Variants in ANKRD28 observed in about 807,000 individuals in gnomAD.
ANKRD28 encodes the protein ankyrin repeat domain 28.
A neutral mutation model predicts 126.5 loss-of-function variants in ANKRD28; 44 were observed. That is an observed-to-expected ratio of 0.35 (90% CI 0.27 to 0.45). The LOEUF (loss-of-function observed/expected upper bound fraction) is 0.45. Ranked by LOEUF, ANKRD28 falls within the 20% of genes least tolerant of loss-of-function variation. ANKRD28 has a pLI of 1.00. For synonymous variants in ANKRD28, 442 were observed against 468.5 expected, an observed-to-expected ratio of 0.94 and a Z score of 0.73; for missense variants, 1,110 against 1,316.6, an observed-to-expected ratio of 0.84 and a Z score of 2.43.
chr3:15,763,489 C>T (rs1007709728), intron 3 of ANKRD28, among the ~76,000 whole-genome samples: 6 of 152,036 alleles, frequency 3.9e-5, no homozygotes, highest in South Asian at 2.1e-4. Flanking sequence ...GGAGATAAAA[C>T]GACAGTAAAC....
chr3:15,771,013 T>C (rs1024809696), intron 2 of ANKRD28, among the ~76,000 whole-genome samples: 3 of 152,156 alleles, frequency 2.0e-5, no homozygotes, highest in South Asian at 4.1e-4. Context: ...AGGATGAACA[T>C]TGTATCAGTC....
intron 16 of ANKRD28, 111 bp downstream of exon 16, chr3:15,695,066 ACCGTCTTTGTG>A (rs1386090794): frequency 1.8e-5 from 15 of 840,954 alleles, no homozygotes; most frequent in Admixed American, 1.6e-4. Flanking sequence ...GATTTCTGTC[ACCGTCTTTGTG>A]CCTAATATGT....
chr3:15,689,981 A>C (rs752717657), intron 18 of ANKRD28, 38 bp downstream of exon 18: 1 of 1,516,140 alleles, frequency 6.6e-7, no homozygotes, highest in South Asian at 1.2e-5. Context: ...AGTATTGGAT[A>C]GAAGTTATAA....
intron 2 of ANKRD28, among the ~76,000 whole-genome samples, chr3:15,794,783 C>G (rs556850450): frequency 2.9e-4 from 44 of 152,124 alleles, no homozygotes; most frequent in Non-Finnish European, 5.6e-4. Flanking sequence ...CAAATCTGAT[C>G]TTATATTTAG....
At chr3:15,771,217 C>T (rs894846669) in intron 2 of ANKRD28, among the ~76,000 whole-genome samples, 7 of 151,940 alleles carry the variant, frequency 4.6e-5, no homozygotes, top group African/African-American at 1.7e-4. Flanking sequence ...GGAGACCAAC[C>T]CGGCCAACAT....
intron 21 of ANKRD28, among the ~76,000 whole-genome samples, chr3:15,683,295 T>C (rs1345669556): frequency 1.3e-5 from 2 of 152,220 alleles, no homozygotes; most frequent in East Asian, 1.9e-4. Context: ...TTTCCCACTA[T>C]ATTAGATATT....
Position 15,853,660 on chromosome 3 carries a change from G to A in ANKRD28, c.27+5717C>T, listed in dbSNP as rs13096631. On this transcript the variant is annotated intron_variant, in intron 1 of 27. Transcript: ENST00000399451. The surrounding 1 kb of genome is among the most constrained non-coding windows in gnomAD (Gnocchi z 4.2). ...AATTTTTTGTATTTTTAGTAGAGATGGGGTTTCACCGTGTTAGCCAGGATG... is the reference window on the plus strand; with the variant it reads ...AATTTTTTGTATTTTTAGTAGAGATAGGGTTTCACCGTGTTAGCCAGGATG... Among the ~76,000 whole-genome samples, 74,561 of 151,674 alleles carry A rather than the reference G, an allele frequency of 0.49. 20,230 individuals carry two copies. Among genetic ancestry groups the A allele is most frequent in the Non-Finnish European group, 0.6 (40,408 of 67,828 alleles).
chr3:15,696,377 CTATAAAA>C, intron 14 of ANKRD28, 132 bp from the exon 15 acceptor site: 1 of 554,862 alleles, frequency 1.8e-6, no homozygotes, highest in African/African-American at 1.9e-5. Flanking sequence ...ATGTATTACA[CTATAAAA>C]ATGTCATTTA....
chr3:15,725,040 C>T (rs1479485693), intron 6 of ANKRD28, among the ~76,000 whole-genome samples: 1 of 151,972 alleles, frequency 6.6e-6, no homozygotes, highest in African/African-American at 2.4e-5. Flanking sequence ...TTGGCAGAGA[C>T]AATTAGTAAT....
chr3:15,840,384 T>C (rs2061403240), intron 1 of ANKRD28, among the ~76,000 whole-genome samples: 1 of 152,118 alleles, frequency 6.6e-6, no homozygotes, highest in African/African-American at 2.4e-5. Context: ...AAAAAATTGA[T>C]GAAGACACAC....
At chr3:15,729,027 G>A (rs2125049763) in intron 6 of ANKRD28, among the ~76,000 whole-genome samples, 1 of 152,236 alleles carries the variant, frequency 6.6e-6, no homozygotes, top group East Asian at 1.9e-4. Context: ...GAATGTGGCT[G>A]GTCACTGTGC....
In ANKRD28 at chr3:15,767,700, T is replaced by TAA. The variant is rs57072807; in HGVS notation, c.202-1390_202-1389dup. The stretch of plus-strand genomic sequence containing the variant: ...TAACACAATGAAACCTAGTCTCTAC[T>TAA]AAAAAAAAAAAAAAAAAAAAAAAAA... On this transcript the variant is annotated intron_variant, in intron 2 of 27. Transcript: ENST00000683139. 1.4e-4 allele frequency among the ~76,000 whole-genome samples: 9 copies of TAA among 64,362 alleles called. 1 individual carries two copies. The highest frequency in any genetic ancestry group is 4.6e-4 in the African/African-American group (5 of 10,906). 42.2% of individuals were successfully genotyped at this position (64,362 alleles called of 152,430 possible).
Position 15,726,762 on chromosome 3 carries a change from T to G in ANKRD28, c.641-2238A>C, listed in dbSNP as rs182356465. Among the ~76,000 whole-genome samples the G allele has an allele frequency of 2.8e-3, 434 of 152,370 alleles. 10 individuals are homozygous for G. Among genetic ancestry groups the G allele is most frequent in the Admixed American group, 0.025 (383 of 15,306 alleles). On this transcript the variant is annotated intron_variant, in intron 6 of 27. Coordinates refer to ENST00000683139, the MANE Select transcript of ANKRD28 (RefSeq NM_001349278.2). ...TATTGGAAGATGCCATCAAGGACTT[T>G]CGTTGCTAGAGAGAAATCTATGCTT...
At chr3:15,715,072 A>AT (rs2072844364) in intron 8 of ANKRD28, among the ~76,000 whole-genome samples, 1 of 152,230 alleles carries the variant, frequency 6.6e-6, no homozygotes, top group Non-Finnish European at 1.5e-5. Flanking sequence ...TTAAAACTAC[A>AT]TATATTTGTT....
chr3:15,732,312 T>A (rs2074694264), intron 6 of ANKRD28: 1 of 152,280 alleles, frequency 6.6e-6, no homozygotes, highest in Non-Finnish European at 1.5e-5. Context: ...AGTTGGGATG[T>A]GTTCACTGAA....
chr3:15,686,308 TG>T lies in ANKRD28; in HGVS notation c.1964del (p.Ala655GlufsTer12). 6.4e-7 allele frequency: 1 copy of T among 1,570,894 alleles called. No homozygotes were observed. The highest frequency in any genetic ancestry group is 1.2e-5 in the South Asian group (1 of 85,884). ...ILKRTPIHAA[A>X]TNGHSECLRL... ...GTAAGCATTCTGAATGACCATTTGT[TG>T]CTGTAAAGTGAAATTTAAACATTTC... On this transcript the variant is annotated frameshift_variant and splice_region_variant, in exon 19 of 28. Coordinates refer to ENST00000683139, the MANE Select transcript of ANKRD28 (RefSeq NM_001349278.2). LOFTEE classifies it high-confidence loss of function.
rs1362300561 is a variant in ANKRD28, at chr3:15,816,763, A to C, written c.28-21457T>G. Among the ~76,000 whole-genome samples the C allele has an allele frequency of 6.6e-6, 1 of 152,222 alleles. No homozygotes were observed. Among genetic ancestry groups the C allele is most frequent in the African/African-American group, 2.4e-5 (1 of 41,454 alleles). ...CAATTTATATATAGAAGTTATTGCC[A>C]AAGTGTCTTATAATCCAAGACACTG... On this transcript the variant is annotated intron_variant, in intron 1 of 27. Coordinates refer to the ANKRD28 transcript ENST00000399451. The surrounding 1 kb of genome is among the most constrained non-coding windows in gnomAD (Gnocchi z 5.0).
intron 1 of ANKRD28, among the ~76,000 whole-genome samples, chr3:15,855,363 C>G (rs1318657809): frequency 6.6e-6 from 1 of 151,852 alleles, no homozygotes; most frequent in East Asian, 1.9e-4. Flanking sequence ...AAAAAAAACC[C>G]AACACCTTAA....
chr3:15,673,420 T>C (rs2066581335), intron 27 of ANKRD28, among the ~76,000 whole-genome samples: 1 of 152,226 alleles, frequency 6.6e-6, no homozygotes. Context: ...AGGCACTATT[T>C]AGAACACTAA....
Sources: gnomAD v4.1 joint callset for allele counts (sites outside exome capture counted in the v4.1 genomes callset) on GRCh38, gnomAD v4.1.1 for gene constraint, Gnocchi (gnomAD v3.1) non-coding constraint, MANE v1.5 for transcripts, NCBI Gene and HGNC (gene_info 2026-07-23, HGNC 2026-07-21) for gene names.